Variants in IQCM observed in about 807,000 individuals in gnomAD.
The protein encoded by IQCM is IQ domain-containing protein M.
In IQCM, 45 loss-of-function variants were observed where a neutral mutation model predicts 57.6. That is an observed-to-expected ratio of 0.78 (90% confidence interval 0.62 to 1.00). The LOEUF is 1.00. Ranked by LOEUF, IQCM falls within the 50% of genes least tolerant of loss-of-function variation. IQCM has a pLI of 0.00. For synonymous variants in IQCM, 148 were observed against 158.9 expected, an observed-to-expected ratio of 0.93 and a Z score of 0.51; for missense variants, 468 against 511.6, an observed-to-expected ratio of 0.91 and a Z score of 0.82.
intron 9 of IQCM, among the ~76,000 whole-genome samples, chr4:149,580,546 A>C (rs970641019): frequency 3.3e-5 from 5 of 151,768 alleles, no homozygotes; most frequent in Non-Finnish European, 7.4e-5. Flanking sequence ...CCAGGAAATA[A>C]TTTTTGATGT....
At chr4:149,569,527 T>C (rs577711442) in intron 9 of IQCM, among the ~76,000 whole-genome samples, 6 of 152,310 alleles carry the variant, frequency 3.9e-5, no homozygotes, top group Non-Finnish European at 8.8e-5. Flanking sequence ...TTGCTAAACA[T>C]ATATTATACA....
chr4:149,607,916 T>C (rs1754939272), intron 8 of IQCM, among the ~76,000 whole-genome samples: 1 of 151,906 alleles, frequency 6.6e-6, no homozygotes, highest in Non-Finnish European at 1.5e-5. Context: ...AGTAAGTCCT[T>C]ACCAATGAAT....
Position 149,811,176 on chromosome 4 carries a change from G to T in IQCM, c.-49+4135C>A, listed in dbSNP as rs117611190. On this transcript the variant is annotated intron_variant, in intron 2 of 13. Transcript: ENST00000636793. Reference sequence around the variant, plus strand: ...CTGAAATATCTTTCAAGTCTACCAAGGACACAACTACATTGCATTATCCCT... The same window carrying T: ...CTGAAATATCTTTCAAGTCTACCAATGACACAACTACATTGCATTATCCCT... 2.0e-5 allele frequency among the ~76,000 whole-genome samples: 3 copies of T among 152,176 alleles called. No individual in the cohort carries two copies. The East Asian group carries it at 5.8e-4, about 29-fold the overall frequency.
At chr4:149,590,247 CTTTTTTTT>C (rs71596214) in intron 8 of IQCM, among the ~76,000 whole-genome samples, 43 of 73,612 alleles carry the variant, frequency 5.8e-4, no homozygotes, top group African/African-American at 2.2e-3. Context: ...TTTTTCTTTC[CTTTTTTTT>C]TTTTTTTTTT....
At chr4:149,612,997 T>C (rs367921152) in intron 8 of IQCM, among the ~76,000 whole-genome samples, 1 of 152,094 alleles carries the variant, frequency 6.6e-6, no homozygotes, top group Non-Finnish European at 1.5e-5. Context: ...TTCCCAAAAG[T>C]AATTTTATTT....
At chr4:149,732,197 A>G (rs184681559) in intron 5 of IQCM, among the ~76,000 whole-genome samples, 12 of 152,222 alleles carry the variant, frequency 7.9e-5, no homozygotes, top group African/African-American at 2.9e-4. Context: ...CTACTATTAT[A>G]TTCCCTTCAA....
chr4:149,792,560 T>A (rs1030887222), intron 2 of IQCM, among the ~76,000 whole-genome samples: 2 of 152,164 alleles, frequency 1.3e-5, no homozygotes, highest in Non-Finnish European at 1.5e-5. Context: ...GTCTATTTTT[T>A]AAAATATTTT....
intron 7 of IQCM, among the ~76,000 whole-genome samples, chr4:149,659,738 C>A (rs1759996261): frequency 6.6e-6 from 1 of 152,014 alleles, no homozygotes. Flanking sequence ...GGAAAGGATT[C>A]CCTATTTAAT....
At chr4:149,449,175 C>A (rs926661261) in intron 12 of IQCM, among the ~76,000 whole-genome samples, 1 of 135,592 alleles carries the variant, frequency 7.4e-6, no homozygotes, top group East Asian at 2.6e-4. Flanking sequence ...ACTGTTCCCC[C>A]CCAACCCGCC....
At chr4:149,462,132 C>T (rs149761089) in intron 12 of IQCM, among the ~76,000 whole-genome samples, 32 of 152,104 alleles carry the variant, frequency 2.1e-4, no homozygotes, top group African/African-American at 7.2e-4. Context: ...TGTTAATGTT[C>T]TGTATCTGTG....
At chr4:149,682,056 T>G (rs1447111721) in intron 7 of IQCM, 62 bp downstream of exon 7, 2 of 614,872 alleles carry the variant, frequency 3.3e-6, no homozygotes, top group Non-Finnish European at 4.7e-6. Context: ...TTTTTGCATT[T>G]AAATGAATGC....
chr4:149,366,609 TTCATTG>T (rs1729860361), intron 13 of IQCM, among the ~76,000 whole-genome samples: 1 of 151,922 alleles, frequency 6.6e-6, no homozygotes, highest in African/African-American at 2.4e-5. Flanking sequence ...TACTATATTT[TTCATTG>T]TCCTCAAAAA....
rs566234554 is a variant in IQCM, at chr4:149,460,976, T to C, written c.1229-27419A>G. The stretch of plus-strand genomic sequence containing the variant: ...TTGGCCAGGAACGGTGGCTCATGCC[T>C]GTAATCCCAGCATTTTGGGAGGCTG... On this transcript the variant is annotated intron_variant, in intron 12 of 13. Transcript: ENST00000636793. 1.8e-3 allele frequency among the ~76,000 whole-genome samples: 277 copies of C among 152,230 alleles called. 1 individual carries two copies. Among genetic ancestry groups the C allele is most frequent in the Middle Eastern group, 6.8e-3 (2 of 294 alleles).
At chr4:149,576,615 T>G (rs142594693) in intron 9 of IQCM, among the ~76,000 whole-genome samples, 386 of 152,140 alleles carry the variant, frequency 2.5e-3, no homozygotes, top group Non-Finnish European at 4.1e-3. Flanking sequence ...ATGGTGTATA[T>G]GTACCACATT....
At chr4:149,495,074 G>C (rs986408200) in intron 12 of IQCM, among the ~76,000 whole-genome samples, 4 of 150,380 alleles carry the variant, frequency 2.7e-5, no homozygotes, top group African/African-American at 9.7e-5. Flanking sequence ...AAGAGCCCCA[G>C]GTTGGGACTC....
chr4:149,587,979 T>A lies in IQCM; in HGVS notation c.700A>T (p.Ile234Phe), dbSNP rs1232184725. ...TTGATAGGTTGTCGCTCCTTTTTAATAAGGGTTTTAAAGGTTTTCTATAAT... is the reference window on the plus strand; with the variant it reads ...TTGATAGGTTGTCGCTCCTTTTTAAAAAGGGTTTTAAAGGTTTTCTATAAT... ...DYYSKTFKTL[I>F]KKERQPIKPE... The change falls in exon 9 of 14, where the codon ATT (isoleucine) becomes TTT (phenylalanine). Residue 234 changes from isoleucine to phenylalanine, a missense_variant. Physicochemically the swap from Ile to Phe is conservative, Grantham distance 21 (BLOSUM62 0). Coordinates refer to ENST00000636793, the MANE Select transcript of IQCM (RefSeq NM_001363507.2). The A allele has an allele frequency of 2.4e-6, 3 of 1,224,672 alleles. No homozygotes were observed. The highest frequency in any genetic ancestry group is 1.6e-5 in the African/African-American group (1 of 64,120). The allele number at this position is 1,224,672 out of a possible 1,614,324, so 75.9% of individuals were successfully genotyped here.
intron 2 of IQCM, among the ~76,000 whole-genome samples, chr4:149,763,700 GA>G (rs1485208147): frequency 6.6e-6 from 1 of 152,156 alleles, no homozygotes; most frequent in Non-Finnish European, 1.5e-5. Context: ...GCTCAAGGCG[GA>G]AGAGCTACAG....
chr4:149,385,103 A>T (rs1425347261), intron 13 of IQCM, among the ~76,000 whole-genome samples: 2 of 152,070 alleles, frequency 1.3e-5, no homozygotes, highest in Non-Finnish European at 2.9e-5. Flanking sequence ...TTTTAGAAAG[A>T]TACTGGAGAG....
At chr4:149,452,894 T>TA (rs879681969) in intron 12 of IQCM, among the ~76,000 whole-genome samples, 48 of 143,198 alleles carry the variant, frequency 3.4e-4, no homozygotes, top group Middle Eastern at 3.6e-3. Context: ...AAGAGTGGTT[T>TA]AAAAAAAAAA....
Sources: allele counts gnomAD v4.1 joint callset (sites outside exome capture counted in the v4.1 genomes callset), GRCh38; gene constraint gnomAD v4.1.1; transcripts MANE v1.5; gene names NCBI Gene and HGNC (gene_info 2026-07-23, HGNC 2026-07-21).